The following PXK variants were observed in gnomAD, a reference collection of about 807,000 sequenced individuals.
PXK encodes PX domain-containing protein kinase-like protein.
In PXK, 35 loss-of-function variants were observed where a neutral mutation model predicts 84.7. That is an observed-to-expected ratio of 0.41 (90% confidence interval 0.32 to 0.55). PXK has a LOEUF of 0.55. Ranked by LOEUF, PXK falls within the 20% of genes least tolerant of loss-of-function variation. PXK has a pLI of 0.21. For synonymous variants in PXK, 253 were observed against 260.8 expected, an observed-to-expected ratio of 0.97 and a Z score of 0.29; for missense variants, 634 against 699.7, an observed-to-expected ratio of 0.91 and a Z score of 1.06.
intron 3 of PXK, among the ~76,000 whole-genome samples, chr3:58,381,311 C>T (rs889927357): frequency 6.2e-5 from 9 of 146,210 alleles, no homozygotes; most frequent in African/African-American, 2.3e-4. Context: ...GAATTATGTA[C>T]AAAAAATGAA....
chr3:58,348,307 C>A (rs935701003), intron 1 of PXK, among the ~76,000 whole-genome samples: 7 of 152,174 alleles, frequency 4.6e-5, no homozygotes, highest in Non-Finnish European at 2.9e-5. Context: ...TTGATGGCTC[C>A]ACTAAGCATT....
Position 58,409,665 on chromosome 3 carries a change from A to C in PXK, c.1395+47A>C, listed in dbSNP as rs774252587. 1 of 1,476,964 alleles carries C rather than the reference A, an allele frequency of 6.8e-7. No homozygotes were observed. The highest frequency in any genetic ancestry group is 1.2e-5 in the South Asian group (1 of 82,484). The allele number at this position is 1,476,964 out of a possible 1,614,324, so 91.5% of individuals were successfully genotyped here. On this transcript the variant is annotated intron_variant, in intron 15 of 17. Transcript: ENST00000356151. The surrounding 1 kb of genome is among the most constrained non-coding windows in gnomAD (Gnocchi z 4.2). ...AGTCCCTCTATGAGTTCTTGAGTAC[A>C]TGTGAAGAAAGTTCTAGGTTAATGG...
intron 7 of PXK, among the ~76,000 whole-genome samples, chr3:58,393,295 C>T (rs1418111241): frequency 2.0e-5 from 3 of 152,020 alleles, no homozygotes; most frequent in African/African-American, 7.2e-5. Context: ...TTGCAGTGAG[C>T]CGAGATCGTG....
intron 2 of PXK, 78 bp downstream of exon 2, chr3:58,366,002 G>A (rs1272531314): frequency 1.6e-6 from 2 of 1,214,400 alleles, no homozygotes; most frequent in African/African-American, 3.2e-5. Flanking sequence ...TGGGGCCTCT[G>A]AAAGTCTGGA....
intron 2 of PXK, among the ~76,000 whole-genome samples, chr3:58,367,781 C>T (rs2098297013): frequency 6.6e-6 from 1 of 152,158 alleles, no homozygotes; most frequent in Admixed American, 6.5e-5. Context: ...CTCCTGGGCT[C>T]AAGTGATCCT....
Position 58,420,568 on chromosome 3 carries a change from GGTAAA to G in PXK, c.1529-4178_1529-4174del, listed in dbSNP as rs1366385087. The G allele has an allele frequency of 3.1e-5, 47 of 1,535,638 alleles. No homozygotes were observed. In the Middle Eastern group the frequency reaches 8.3e-4, roughly 27 times the overall value. On this transcript the variant is annotated intron_variant, in intron 17 of 17. Coordinates refer to ENST00000356151, the MANE Select transcript of PXK (RefSeq NM_017771.5). ...TGCACCATTTTGAACGTGAATTTTC[GGTAAA>G]GTAAACTATGCTGATTTCTCAGACT...
At position 58,421,057 on chromosome 3, in the gene PXK, C is replaced by T; in HGVS notation, c.1529-3695C>T. The T allele has an allele frequency of 1.0e-6, 1 of 999,936 alleles. No individual in the cohort carries two copies. The highest frequency in any genetic ancestry group is 1.2e-6 in the Non-Finnish European group (1 of 839,364). 61.9% of individuals were successfully genotyped at this position (999,936 alleles called of 1,614,324 possible). ...ATCCTTTATAATTCTCGAGCTGTGACAGGAGTACAGCCTCCTCACCTGCCT... is the reference window on the plus strand; with the variant it reads ...ATCCTTTATAATTCTCGAGCTGTGATAGGAGTACAGCCTCCTCACCTGCCT... On this transcript the variant is annotated intron_variant, in intron 17 of 17. Coordinates refer to ENST00000356151, the MANE Select transcript of PXK (RefSeq NM_017771.5). The surrounding 1 kb of genome is among the most constrained non-coding windows in gnomAD (Gnocchi z 5.5).
chr3:58,415,109 C>T (rs777998099), intron 17 of PXK, among the ~76,000 whole-genome samples: 5 of 152,154 alleles, frequency 3.3e-5, no homozygotes, highest in Non-Finnish European at 5.9e-5. Flanking sequence ...TCACTCAACA[C>T]AATAATAATC....
chr3:58,413,556 T>C (rs71311870), intron 17 of PXK: 10,691 of 152,484 alleles, frequency 0.07, 476 homozygotes, highest in South Asian at 0.1. Context: ...AGAATTTATC[T>C]TGGAGACTGC....
In PXK at chr3:58,392,912, G is replaced by A. The variant is rs558176238; in HGVS notation, c.615+1065G>A. ...CCTGACCTCATGATCCGCCTGCCTC[G>A]ACTTCCCAAAGTGCTGGGATGACAG... On this transcript the variant is annotated intron_variant, in intron 7 of 17. Coordinates refer to ENST00000356151, the MANE Select transcript of PXK (RefSeq NM_017771.5). 2.0e-3 allele frequency among the ~76,000 whole-genome samples: 303 copies of A among 152,034 alleles called. 1 individual carries two copies. Among genetic ancestry groups the A allele is most frequent in the Non-Finnish European group, 2.9e-3 (194 of 67,982 alleles).
rs373982223 is a variant in PXK at position 58,334,304 on chromosome 3, T to C, written c.102+1214T>C. ...AAATTATTATCTTTTTAAAAAGGGC[T>C]ATTTATTTCACGCTGTGTGTCTTTA... On this transcript the variant is annotated intron_variant, in intron 1 of 17. Transcript: ENST00000356151. 2.8e-4 allele frequency among the ~76,000 whole-genome samples: 42 copies of C among 152,336 alleles called. No individual in the cohort carries two copies. The South Asian group carries it at 3.7e-3, about 14-fold the overall frequency.
At chr3:58,388,284 ATTTCCCCTG>A (rs1485832608) in intron 4 of PXK, among the ~76,000 whole-genome samples, 2 of 152,152 alleles carry the variant, frequency 1.3e-5, no homozygotes, top group Non-Finnish European at 2.9e-5. Flanking sequence ...GTTCACAGCT[ATTTCCCCTG>A]TTCCTAAAAC....
intron 12 of PXK, among the ~76,000 whole-genome samples, chr3:58,402,978 C>A (rs1326019155): frequency 6.7e-6 from 1 of 150,320 alleles, no homozygotes; most frequent in Non-Finnish European, 1.5e-5. Flanking sequence ...GACCCGGTGT[C>A]TGTTGTTTAC....
rs1159247642 is a variant in PXK, at chr3:58,378,492, CT to C, written c.202-4001del. 5.7e-3 allele frequency among the ~76,000 whole-genome samples: 138 copies of C among 24,282 alleles called. 2 individuals are homozygous for C. Among genetic ancestry groups the C allele is most frequent in the East Asian group, 0.016 (6 of 384 alleles). 15.9% of individuals were successfully genotyped at this position (24,282 alleles called of 152,430 possible). Reference sequence around the variant, plus strand: ...ATTGGATTTGGACTTCATTTTTCTTCTTTTTTTTTTTTTTTTTTTTTGTGTG... The same window carrying C: ...ATTGGATTTGGACTTCATTTTTCTTCTTTTTTTTTTTTTTTTTTTTGTGTG... On this transcript the variant is annotated intron_variant, in intron 3 of 17. Transcript: ENST00000356151.
chr3:58,387,754 G>A (rs952527816), intron 4 of PXK, among the ~76,000 whole-genome samples: 4 of 152,110 alleles, frequency 2.6e-5, no homozygotes, highest in African/African-American at 7.2e-5. Context: ...ACAGGTAATC[G>A]CATAAGAGAG....
chr3:58,376,561 T>C (rs1184569480), intron 3 of PXK, among the ~76,000 whole-genome samples: 1 of 152,202 alleles, frequency 6.6e-6, no homozygotes, highest in Non-Finnish European at 1.5e-5. Flanking sequence ...GAGATGATAT[T>C]CTGCAACTTC....
chr3:58,397,013 T>C lies in PXK; in HGVS notation c.823-26T>C. ...TATATCTGAATGAGTTTGGGGAAAATGTAACTTTCCCATATGTTTTGATAG... is the reference window on the plus strand; with the variant it reads ...TATATCTGAATGAGTTTGGGGAAAACGTAACTTTCCCATATGTTTTGATAG... On this transcript the variant is annotated intron_variant, in intron 9 of 17. Transcript: ENST00000356151. The surrounding 1 kb of genome is among the most constrained non-coding windows in gnomAD (Gnocchi z 4.7). The C allele has an allele frequency of 6.3e-7, 1 of 1,587,542 alleles. No homozygotes were observed. Among genetic ancestry groups the C allele is most frequent in the Non-Finnish European group, 8.6e-7 (1 of 1,162,544 alleles).
rs1339732755 is a variant in PXK, at chr3:58,390,343, T to C, written c.389-239T>C. ...TAATGTTACTATTAACTATGGGCTT[T>C]ATTCAGATTTTACCAGTTTTTCTGC... On this transcript the variant is annotated intron_variant, in intron 4 of 17. Transcript: ENST00000356151. The surrounding 1 kb of genome is among the most constrained non-coding windows in gnomAD (Gnocchi z 4.2). Among the ~76,000 whole-genome samples, 1 of 152,334 alleles carries C rather than the reference T, an allele frequency of 6.6e-6. No homozygotes were observed. Among genetic ancestry groups the C allele is most frequent in the East Asian group, 1.9e-4 (1 of 5,194 alleles).
chr3:58,333,731 G>A lies in PXK; in HGVS notation c.102+641G>A. 2.3e-6 allele frequency: 1 copy of A among 431,016 alleles called. No individual in the cohort carries two copies. The allele number at this position is 431,016 out of a possible 1,614,324, so 26.7% of individuals were successfully genotyped here. A position where few individuals can be genotyped will look rare whatever the true frequency, so the allele number is the denominator to read the frequency against. ...CTAACTTGCTCTTTAGTGGGCAGTGGTAGCATTCATTTGAGTTTAAAATCC... is the reference window on the plus strand; with the variant it reads ...CTAACTTGCTCTTTAGTGGGCAGTGATAGCATTCATTTGAGTTTAAAATCC... On this transcript the variant is annotated intron_variant, in intron 1 of 17. Coordinates refer to ENST00000356151, the MANE Select transcript of PXK (RefSeq NM_017771.5). This position sits in a 1 kb window ranked among gnomAD's most constrained non-coding sequence, Gnocchi z 5.4.
Sources: allele counts gnomAD v4.1 joint callset (sites outside exome capture counted in the v4.1 genomes callset), GRCh38; gene constraint gnomAD v4.1.1; non-coding constraint Gnocchi (gnomAD v3.1); transcripts MANE v1.5; gene names NCBI Gene and HGNC (gene_info 2026-07-23, HGNC 2026-07-21).